ROBO2: variants seen among roughly 807,000 people sequenced by gnomAD.
ROBO2 encodes roundabout guidance receptor 2, also known as roundabout homolog 2.
A neutral mutation model predicts 160.8 loss-of-function variants in ROBO2; 53 were observed. That is an observed-to-expected ratio of 0.33 (90% CI 0.26 to 0.41). The LOEUF is 0.41. ROBO2 is among the 10% of genes least tolerant of loss of function. ROBO2 has a pLI of 1.00. For synonymous variants in ROBO2, 664 were observed against 611.7 expected, an observed-to-expected ratio of 1.09 and a Z score of -1.26; for missense variants, 1,577 against 1,722.4, an observed-to-expected ratio of 0.92 and a Z score of 1.49.
chr3:77,346,272 C>A (rs9874917), intron 2 of ROBO2, among the ~76,000 whole-genome samples: 64,428 of 151,878 alleles, frequency 0.42, 14,651 homozygotes, highest in East Asian at 0.72. Context: ...GTAAGTCATG[C>A]TTTTTAAGCT....
chr3:77,145,822 A>T (rs2077075069), intron 2 of ROBO2, among the ~76,000 whole-genome samples: 1 of 152,154 alleles, frequency 6.6e-6, no homozygotes, highest in African/African-American at 2.4e-5. Flanking sequence ...ACAATCTAAC[A>T]GCATGCTTAT....
chr3:76,123,801 C>G (rs1023918103), intron 2 of ROBO2, among the ~76,000 whole-genome samples: 23 of 152,132 alleles, frequency 1.5e-4, no homozygotes, highest in Non-Finnish European at 1.5e-4. Context: ...ACCTTTTCTT[C>G]CTACACCTTG....
chr3:76,220,633 A>G (rs1448262058), intron 2 of ROBO2, among the ~76,000 whole-genome samples: 1 of 152,180 alleles, frequency 6.6e-6, no homozygotes, highest in Non-Finnish European at 1.5e-5. Context: ...GTATTTTGGT[A>G]CAGGAGCACA....
rs1000658322 is a variant in ROBO2, at chr3:76,064,957, A to C, written c.109+127355A>C. On this transcript the variant is annotated intron_variant, in intron 2 of 26. Transcript: ENST00000487694. ...TGTACTTGACTTCTATATCTTTATC[A>C]CAGGAGTATAACAAAGATTATATGT... Among the ~76,000 whole-genome samples, 4 of 152,100 alleles carry C rather than the reference A, an allele frequency of 2.6e-5. No homozygotes were observed. In the East Asian group the frequency reaches 7.7e-4, roughly 29 times the overall value.
At position 77,386,603 on chromosome 3, in the gene ROBO2, AT is replaced by A. The variant is rs71104679; in HGVS notation, c.389-90794del. On this transcript the variant is annotated intron_variant, in intron 2 of 25. Transcript: ENST00000461745. The stretch of plus-strand genomic sequence containing the variant: ...AGTTAATTATTTTTTCAGCCAGGTA[AT>A]TTTTTTTTTTTTTTTTGAAATAGAG... Among the ~76,000 whole-genome samples, 138 of 91,890 alleles carry A rather than the reference AT, an allele frequency of 1.5e-3. 5 individuals are homozygous for A. The highest frequency in any genetic ancestry group is 0.016 in the Middle Eastern group (2 of 122). The allele number at this position is 91,890 out of a possible 152,430, so 60.3% of individuals were successfully genotyped here. A position where few individuals can be genotyped will look rare whatever the true frequency, so the allele number is the denominator to read the frequency against.
chr3:77,597,042 C>T (rs1213636171), intron 19 of ROBO2, among the ~76,000 whole-genome samples: 2 of 151,908 alleles, frequency 1.3e-5, no homozygotes, highest in African/African-American at 2.4e-5. Flanking sequence ...GATTACTGAA[C>T]TCAGAGACTA....
intron 2 of ROBO2, among the ~76,000 whole-genome samples, chr3:76,759,726 C>A (rs1423249916): frequency 6.6e-6 from 1 of 151,658 alleles, no homozygotes; most frequent in African/African-American, 2.4e-5. Context: ...ACTAACTTGC[C>A]TAGGGGTTAA....
At chr3:76,131,695 C>T (rs1265251152) in intron 2 of ROBO2, among the ~76,000 whole-genome samples, 1 of 152,112 alleles carries the variant, frequency 6.6e-6, no homozygotes, top group Non-Finnish European at 1.5e-5. Flanking sequence ...CACTGCAACA[C>T]AGAGGATGAC....
exon 26 of ROBO2, chr3:77,649,310 A>T (rs1459535612): frequency 1.3e-5 from 2 of 152,226 alleles, no homozygotes; most frequent in Non-Finnish European, 2.9e-5. Context: ...TATGTTTTCA[A>T]CAGGATTTGA....
intron 2 of ROBO2, among the ~76,000 whole-genome samples, chr3:76,182,896 T>C (rs1414311908): frequency 6.6e-6 from 1 of 152,162 alleles, no homozygotes; most frequent in Non-Finnish European, 1.5e-5. Flanking sequence ...TGTCTGCTTG[T>C]TCCTGGTGTC....
chr3:76,227,977 CA>C lies in ROBO2; in HGVS notation c.109+290382del, dbSNP rs1239971012. 2.0e-5 allele frequency among the ~76,000 whole-genome samples: 3 copies of C among 151,872 alleles called. No individual in the cohort carries two copies. In the East Asian group the frequency reaches 5.8e-4, roughly 29 times the overall value. On this transcript the variant is annotated intron_variant, in intron 2 of 26. Transcript: ENST00000487694. The stretch of plus-strand genomic sequence containing the variant: ...GATAATATGCCTAATATACTCTATA[CA>C]AAAAAAGTAAGGGTTATATTTGCTA...
chr3:76,610,644 G>C (rs1051901380), intron 2 of ROBO2, among the ~76,000 whole-genome samples: 1 of 149,404 alleles, frequency 6.7e-6, no homozygotes, highest in Non-Finnish European at 1.5e-5. Context: ...CAGTGAGCAG[G>C]AGCACGTTCA....
At chr3:77,009,726 G>T (rs144280086) in intron 2 of ROBO2, among the ~76,000 whole-genome samples, 10 of 151,984 alleles carry the variant, frequency 6.6e-5, no homozygotes, top group Admixed American at 6.6e-4. Flanking sequence ...GGGGAGGGTC[G>T]CCTGAGGTCA....
chr3:76,264,161 A>G (rs867287606), intron 2 of ROBO2, among the ~76,000 whole-genome samples: 12 of 152,114 alleles, frequency 7.9e-5, no homozygotes, highest in Admixed American at 2.6e-4. Context: ...GGGTGCAGCA[A>G]ACCACCATGG....
At chr3:76,240,705 G>A (rs150496482) in intron 2 of ROBO2, among the ~76,000 whole-genome samples, 3 of 151,942 alleles carry the variant, frequency 2.0e-5, no homozygotes, top group African/African-American at 4.8e-5. Context: ...TTTCCACACC[G>A]TTCATCTAAA....
intron 2 of ROBO2, among the ~76,000 whole-genome samples, chr3:76,387,654 C>T (rs1165710354): frequency 6.6e-6 from 1 of 152,052 alleles, no homozygotes; most frequent in African/African-American, 2.4e-5. Flanking sequence ...TTTCCCATTT[C>T]ACAGATGAGA....
intron 2 of ROBO2, among the ~76,000 whole-genome samples, chr3:77,024,119 T>G (rs1031229454): frequency 6.6e-6 from 1 of 152,192 alleles, no homozygotes; most frequent in Non-Finnish European, 1.5e-5. Flanking sequence ...TCAACATAGA[T>G]TTACTTAGCT....
At chr3:77,257,040 G>A (rs1300288214) in intron 2 of ROBO2, among the ~76,000 whole-genome samples, 1 of 152,094 alleles carries the variant, frequency 6.6e-6, no homozygotes, top group Non-Finnish European at 1.5e-5. Flanking sequence ...CCTGGAGCGA[G>A]GTTTCATATT....
chr3:77,357,639 G>T (rs1237866377), intron 2 of ROBO2, among the ~76,000 whole-genome samples: 1 of 152,166 alleles, frequency 6.6e-6, no homozygotes, highest in East Asian at 1.9e-4. Flanking sequence ...TCACCCAGCA[G>T]TTAAGTGACA....
Sources: gnomAD v4.1 joint callset for allele counts (sites outside exome capture counted in the v4.1 genomes callset) on GRCh38, gnomAD v4.1.1 for gene constraint, MANE v1.5 for transcripts, NCBI Gene and HGNC (gene_info 2026-07-23, HGNC 2026-07-21) for gene names.